Variants in PPM1L observed in about 807,000 individuals in gnomAD.
The protein encoded by PPM1L is protein phosphatase 1L.
Under a neutral mutation model 31.4 loss-of-function variants are expected in PPM1L, and 13 were observed. The observed-to-expected ratio is 0.41, with a 90% CI of 0.27 to 0.66. The LOEUF is 0.66. PPM1L is among the 30% of genes least tolerant of loss of function. The probability of loss-of-function intolerance (pLI) is 0.29; values close to 1 mark genes in which losing one functional copy is unlikely to be tolerated. For missense variants in PPM1L, 326 were observed against 453.7 expected (o/e 0.72, Z 2.56); for synonymous variants, 184 against 175.4 (o/e 1.05, Z -0.39).
chr3:160,878,261 G>T (rs189249891), intron 1 of PPM1L, among the ~76,000 whole-genome samples: 114 of 152,274 alleles, frequency 7.5e-4, no homozygotes, highest in African/African-American at 2.7e-3. Context: ...TACTGAGAAG[G>T]CATGGAATAG....
intron 2 of PPM1L, among the ~76,000 whole-genome samples, chr3:161,064,578 G>A (rs1311357291): frequency 6.6e-6 from 1 of 152,162 alleles, no homozygotes; most frequent in Non-Finnish European, 1.5e-5. Context: ...TGCATATTGA[G>A]TGACACTGTC....
intron 2 of PPM1L, among the ~76,000 whole-genome samples, chr3:161,058,750 A>G (rs1719493574): frequency 6.6e-6 from 1 of 152,120 alleles, no homozygotes; most frequent in Non-Finnish European, 1.5e-5. Flanking sequence ...GCCACTTAGT[A>G]GAGTTTATAG....
At chr3:161,045,966 C>G (rs1388498424) in intron 2 of PPM1L, among the ~76,000 whole-genome samples, 1 of 151,658 alleles carries the variant, frequency 6.6e-6, no homozygotes, top group African/African-American at 2.4e-5. Flanking sequence ...AAAAAATTAG[C>G]CAGGCGTGGT....
At chr3:160,799,234 A>G (rs566520178) in intron 1 of PPM1L, among the ~76,000 whole-genome samples, 4 of 152,346 alleles carry the variant, frequency 2.6e-5, no homozygotes, top group Non-Finnish European at 1.5e-5. Context: ...ACTGACTCCA[A>G]TTTTTAAAGA....
intron 2 of PPM1L, among the ~76,000 whole-genome samples, chr3:161,033,527 A>G (rs1718643681): frequency 6.6e-6 from 1 of 152,214 alleles, no homozygotes; most frequent in Non-Finnish European, 1.5e-5. Context: ...AGGCCTCAGA[A>G]AAAAATGTGA....
chr3:160,884,794 C>T (rs2108040690), intron 1 of PPM1L, among the ~76,000 whole-genome samples: 1 of 152,228 alleles, frequency 6.6e-6, no homozygotes, highest in South Asian at 2.1e-4. Context: ...GATTTTAAGA[C>T]CACTAAATAA....
intron 1 of PPM1L, among the ~76,000 whole-genome samples, chr3:160,809,555 C>G (rs1323433314): frequency 6.6e-6 from 1 of 152,146 alleles, no homozygotes; most frequent in African/African-American, 2.4e-5. Context: ...TCAGCTCTCC[C>G]CACTCTCTAC....
chr3:160,959,748 G>A (rs1007200461), intron 1 of PPM1L, among the ~76,000 whole-genome samples: 4 of 152,046 alleles, frequency 2.6e-5, no homozygotes, highest in East Asian at 1.9e-4. Flanking sequence ...CAGGAGAATC[G>A]TTTGAACCCA....
At position 161,071,939 on chromosome 3, in the gene PPM1L, A is replaced by G. The variant is rs1465950293; in HGVS notation, c.*2782A>G. ...CTTCCTAGACTCCCTAGCTAGCTCG[A>G]GTTCGAATTGCCAATAGTCCCCATG... On this transcript the variant is annotated 3_prime_UTR_variant, in exon 4 of 4. Coordinates refer to ENST00000498165, the MANE Select transcript of PPM1L (RefSeq NM_139245.4). 6.6e-6 allele frequency: 1 copy of G among 152,176 alleles called. No individual in the cohort carries two copies. Among genetic ancestry groups the G allele is most frequent in the Non-Finnish European group, 1.5e-5 (1 of 68,034 alleles). The allele number at this position is 152,176 out of a possible 1,614,324, so 9.4% of individuals were successfully genotyped here. A position where few individuals can be genotyped will look rare whatever the true frequency, so the allele number is the denominator to read the frequency against.
chr3:160,814,438 T>C (rs1712901728), intron 1 of PPM1L, among the ~76,000 whole-genome samples: 1 of 151,946 alleles, frequency 6.6e-6, no homozygotes, highest in Admixed American at 6.6e-5. Flanking sequence ...CCCAAATGCC[T>C]ATCTATCAAC....
At chr3:161,046,374 C>G (rs949875020) in intron 2 of PPM1L, among the ~76,000 whole-genome samples, 2 of 151,824 alleles carry the variant, frequency 1.3e-5, no homozygotes, top group African/African-American at 4.8e-5. Context: ...ATACACCATC[C>G]CGAGACTAAA....
At chr3:160,922,532 G>T (rs902873270) in intron 1 of PPM1L, among the ~76,000 whole-genome samples, 5 of 151,964 alleles carry the variant, frequency 3.3e-5, no homozygotes, top group Admixed American at 2.6e-4. Context: ...TATCTTTTTG[G>T]TTCCCAAGTT....
intron 1 of PPM1L, among the ~76,000 whole-genome samples, chr3:160,829,660 C>CTGCA (rs1239973276): frequency 6.6e-6 from 1 of 152,128 alleles, no homozygotes; most frequent in African/African-American, 2.4e-5. Context: ...CCTTCTCATC[C>CTGCA]TGCAGGTAGA....
At chr3:161,010,802 G>T (rs1269841588) in intron 2 of PPM1L, among the ~76,000 whole-genome samples, 1 of 152,092 alleles carries the variant, frequency 6.6e-6, no homozygotes, top group Non-Finnish European at 1.5e-5. Context: ...TCATGTGTCT[G>T]TTGGCTGCAT....
intron 2 of PPM1L, among the ~76,000 whole-genome samples, chr3:160,966,967 A>G (rs1716170098): frequency 1.3e-5 from 2 of 152,058 alleles, no homozygotes; most frequent in South Asian, 2.1e-4. Context: ...AGCCTGTGAT[A>G]TGGTTTGGCT....
intron 2 of PPM1L, among the ~76,000 whole-genome samples, chr3:160,977,192 C>T (rs943197817): frequency 2.0e-5 from 3 of 152,134 alleles, no homozygotes; most frequent in Non-Finnish European, 4.4e-5. Context: ...ATAAGTTTGT[C>T]TCAAGGCTGT....
chr3:161,048,992 A>G (rs1379621169), intron 2 of PPM1L, among the ~76,000 whole-genome samples: 1 of 150,780 alleles, frequency 6.6e-6, no homozygotes, highest in African/African-American at 2.4e-5. Context: ...TGACGAGTTA[A>G]TGGGTGCAGC....
intron 1 of PPM1L, among the ~76,000 whole-genome samples, chr3:160,814,984 G>T (rs1166074282): frequency 1.3e-5 from 2 of 152,028 alleles, no homozygotes; most frequent in Admixed American, 1.3e-4. Context: ...TGATACAATG[G>T]ACTTTCGGGA....
At chr3:160,803,392 A>G (rs1282988940) in intron 1 of PPM1L, among the ~76,000 whole-genome samples, 1 of 151,720 alleles carries the variant, frequency 6.6e-6, no homozygotes, top group Non-Finnish European at 1.5e-5. Context: ...TTTTTGCACA[A>G]ATAATTTCTG....
Sources: allele counts gnomAD v4.1 joint callset (sites outside exome capture counted in the v4.1 genomes callset), GRCh38; gene constraint gnomAD v4.1.1; transcripts MANE v1.5; gene names NCBI Gene and HGNC (gene_info 2026-07-23, HGNC 2026-07-21).